Variants in TTC39A observed in about 807,000 individuals in gnomAD.
The protein encoded by TTC39A is tetratricopeptide repeat domain 39A.
Under a neutral mutation model 82.3 loss-of-function variants are expected in TTC39A, and 46 were observed. That is an observed-to-expected ratio of 0.56 (90% CI 0.44 to 0.71). The LOEUF (loss-of-function observed/expected upper bound fraction) is 0.71. Among genes scored for constraint, TTC39A ranks in the 30% least tolerant of loss-of-function variants. The pLI is 0.00. For missense variants in TTC39A, 543 were observed against 712.9 expected (o/e 0.76, Z 2.71); for synonymous variants, 254 against 275.2 (o/e 0.92, Z 0.76).
intron 1 of TTC39A, among the ~76,000 whole-genome samples, chr1:51,329,295 C>CT (rs1175454574): frequency 6.6e-6 from 1 of 152,202 alleles, no homozygotes; most frequent in Non-Finnish European, 1.5e-5. Flanking sequence ...CAGAAGGAAC[C>CT]TACCCAACCT....
In TTC39A at chr1:51,311,125, T is replaced by A. The variant is rs918170976; in HGVS notation, c.423+129A>T. ...CAGGAGTGTGAAGGATGGGACACGA[T>A]TGCTACAGGGGATGAGTCGTGGTTG... is the stretch of plus-strand genomic sequence containing the variant. On this transcript the variant is annotated intron_variant, in intron 5 of 17. Coordinates refer to ENST00000680483, the MANE Select transcript of TTC39A (RefSeq NM_001297663.2). 5.3e-5 allele frequency: 46 copies of A among 862,686 alleles called. 2 individuals carry two copies. The South Asian group carries it at 8.8e-4, about 17-fold the overall frequency. The allele number at this position is 862,686 out of a possible 1,614,324, so 53.4% of individuals were successfully genotyped here.
At chr1:51,327,539 T>C (rs116773678) in intron 1 of TTC39A, among the ~76,000 whole-genome samples, 56 of 152,258 alleles carry the variant, frequency 3.7e-4, no homozygotes, top group African/African-American at 1.3e-3. Flanking sequence ...CTTGGGAATG[T>C]TCCATACCCT....
chr1:51,318,429 C>T (rs1478589881), intron 2 of TTC39A, among the ~76,000 whole-genome samples: 1 of 152,180 alleles, frequency 6.6e-6, no homozygotes, highest in African/African-American at 2.4e-5. Context: ...CAGCCTGACC[C>T]CCTCAAGCCA....
At chr1:51,343,579 GT>G (rs1220911664) in intron 1 of TTC39A, among the ~76,000 whole-genome samples, 1 of 152,146 alleles carries the variant, frequency 6.6e-6, no homozygotes, top group East Asian at 1.9e-4. Context: ...TATTTCTGAT[GT>G]TTACTTGTCT....
At chr1:51,299,817 G>T (rs1275129303) in intron 12 of TTC39A, 3 of 152,394 alleles carry the variant, frequency 2.0e-5, no homozygotes, top group African/African-American at 4.8e-5. Flanking sequence ...GTTCAAAAAG[G>T]TTCCCTAAGG....
In TTC39A at chr1:51,288,352, G is replaced by GT. The variant is rs71578066; in HGVS notation, c.1611-73dup. ...AGATGCTTTTCCTCCTGTTTGAGCT[G>GT]TATGAGCCCCGCGAGCCAAGGAAGG... On this transcript the variant is annotated intron_variant, in intron 17 of 17. Transcript: ENST00000680483. This position sits in a 1 kb window ranked among gnomAD's most constrained non-coding sequence, Gnocchi z 4.8. 88,897 of 1,604,266 alleles carry GT rather than the reference G, an allele frequency of 0.055. 2,848 individuals are homozygous for GT. The highest frequency in any genetic ancestry group is 0.063 in the Non-Finnish European group (74,190 of 1,174,260).
At position 51,301,618 on chromosome 1, in the gene TTC39A, G is replaced by A. The variant is rs776996883; in HGVS notation, c.1007C>T (p.Ser336Phe). Residue 336 changes from serine (S) to phenylalanine (F), a missense_variant, in exon 12 of 18, where the codon TCC (serine) becomes TTC (phenylalanine). Transcript: ENST00000680483. ...CFTYKGQWKM[S>F]YFYADLLSKE... ...GCTGAGCAGGTCGGCGTAGAAGTAG[G>A]ACATCTTCCACTGGCCCTTGTAGGT... is the stretch of plus-strand genomic sequence containing the variant. 2 of 1,613,568 alleles carry A rather than the reference G, an allele frequency of 1.2e-6. No individual in the cohort carries two copies. The highest frequency in any genetic ancestry group is 1.7e-6 in the Non-Finnish European group (2 of 1,179,684).
chr1:51,290,604 C>T lies in TTC39A; in HGVS notation c.1288G>A (p.Gly430Ser), dbSNP rs745553563. 5.6e-6 allele frequency: 9 copies of T among 1,613,644 alleles called. No individual in the cohort carries two copies. The highest frequency in any genetic ancestry group is 1.1e-5 in the South Asian group (1 of 90,916). The change falls in exon 15 of 18, where the codon GGC (glycine) becomes AGC (serine). Residue 430 changes from glycine (G) to serine (S), a missense_variant. Gly to Ser is a moderately conservative substitution (Grantham distance 56). Transcript: ENST00000680483. ...GGCTGCTTCCCAATCACGGCGTAGC[C>T]GTTCCAGATGTACATCATTTCCTGA... Reference protein sequence around the residue: ...PALEMMYIWNGYAVIGKQPKL... With the variant: ...PALEMMYIWNSYAVIGKQPKL...
intron 5 of TTC39A, 146 bp from the exon 6 acceptor site, chr1:51,309,471 C>G: frequency 6.7e-7 from 1 of 1,487,222 alleles, no homozygotes; most frequent in Non-Finnish European, 9.0e-7. Context: ...CCAGGCCTCC[C>G]TGCTCTTTGG....
intron 13 of TTC39A, 61 bp downstream of exon 13, chr1:51,296,018 G>C: frequency 6.5e-7 from 1 of 1,533,570 alleles, no homozygotes; most frequent in Non-Finnish European, 8.8e-7. Context: ...TGGCTGGTCT[G>C]TCCATAGCGG....
In TTC39A at chr1:51,296,065, G is replaced by C; in HGVS notation, c.1145+14C>G. ...GGAGTGGCCTACACAGTGGGAGCAC[G>C]ATGTGGGACCCACCGAAATAATTCC... On this transcript the variant is annotated intron_variant, in intron 13 of 17. Transcript: ENST00000680483. The C allele has an allele frequency of 3.2e-6, 5 of 1,566,628 alleles. No homozygotes were observed. Among genetic ancestry groups the C allele is most frequent in the Non-Finnish European group, 3.5e-6 (4 of 1,155,182 alleles).
upstream of TTC39A, chr1:51,331,700 G>A (rs982815007): frequency 1.0e-6 from 1 of 985,312 alleles, no homozygotes; most frequent in Non-Finnish European, 1.2e-6. Flanking sequence ...AGGGGCAGAT[G>A]CTCACTTGCA....
upstream of TTC39A, among the ~76,000 whole-genome samples, chr1:51,332,101 C>G (rs1247247465): frequency 2.0e-5 from 3 of 152,222 alleles, no homozygotes; most frequent in Non-Finnish European, 4.4e-5. Context: ...TCCCTTGTCA[C>G]TTGTTAGTCA....
chr1:51,310,948 G>A lies in TTC39A; in HGVS notation c.423+306C>T, dbSNP rs187808582. ...GTTGAACGAATCAAATGGAAAGCAG[G>A]CTTTGAGACAATGCCTATCACCCCC... On this transcript the variant is annotated intron_variant, in intron 5 of 17. Transcript: ENST00000680483. Among the ~76,000 whole-genome samples the A allele has an allele frequency of 1.1e-4, 17 of 152,356 alleles. No individual in the cohort carries two copies. The East Asian group carries it at 2.7e-3, about 24-fold the overall frequency.
chr1:51,325,569 C>T (rs1645683724), intron 1 of TTC39A, among the ~76,000 whole-genome samples: 1 of 152,180 alleles, frequency 6.6e-6, no homozygotes, highest in African/African-American at 2.4e-5. Flanking sequence ...TTATTACCCC[C>T]CCACACCTAT....
chr1:51,313,373 C>T (rs1645158191), intron 2 of TTC39A, among the ~76,000 whole-genome samples: 1 of 152,222 alleles, frequency 6.6e-6, no homozygotes, highest in Non-Finnish European at 1.5e-5. Flanking sequence ...CAAACCCCAC[C>T]CCTGGGCCGC....
chr1:51,342,620 C>T lies in TTC39A; in HGVS notation c.53+2371G>A, dbSNP rs780226814. Reference sequence around the variant, plus strand: ...TGGTGGGCGAGGGGTGAGGGTGGAGCGGTCACAGGGCCTGAGCTGGGAGAA... The same window carrying T: ...TGGTGGGCGAGGGGTGAGGGTGGAGTGGTCACAGGGCCTGAGCTGGGAGAA... On this transcript the variant is annotated intron_variant, in intron 1 of 5. Coordinates refer to the TTC39A transcript ENST00000401051. Among the ~76,000 whole-genome samples, 38 of 152,144 alleles carry T rather than the reference C, an allele frequency of 2.5e-4. 1 individual carries two copies. Among genetic ancestry groups the T allele is most frequent in the Admixed American group, 5.9e-4 (9 of 15,274 alleles).
intron 1 of TTC39A, among the ~76,000 whole-genome samples, chr1:51,326,395 G>A (rs532279523): frequency 2.0e-5 from 3 of 152,306 alleles, no homozygotes; most frequent in East Asian, 1.9e-4. Context: ...AGGTACAAGC[G>A]TTCTGGAAGG....
chr1:51,326,804 T>C (rs1645728324), intron 1 of TTC39A, among the ~76,000 whole-genome samples: 1 of 152,222 alleles, frequency 6.6e-6, no homozygotes, highest in Non-Finnish European at 1.5e-5. Flanking sequence ...AAGACCTTTC[T>C]TTTCCAAGGA....
Sources: allele counts gnomAD v4.1 joint callset (sites outside exome capture counted in the v4.1 genomes callset), GRCh38; gene constraint gnomAD v4.1.1; non-coding constraint Gnocchi (gnomAD v3.1); transcripts MANE v1.5; gene names NCBI Gene and HGNC (gene_info 2026-07-23, HGNC 2026-07-21).